The following NTM variants were observed in gnomAD, a reference collection of about 807,000 sequenced individuals.
The protein encoded by NTM is neurotrimin.
A neutral mutation model predicts 42.1 loss-of-function variants in NTM; 13 were observed. The ratio of observed to expected loss-of-function variants is 0.31; its 90% CI spans 0.20 to 0.49. NTM has a LOEUF of 0.49. NTM is among the 20% of genes least tolerant of loss of function. The pLI is 0.99. For synonymous variants in NTM, 187 were observed against 179.2 expected (o/e 1.04, Z -0.35); for missense variants, 373 against 452.8 (o/e 0.82, Z 1.60).
At chr11:131,617,981 C>T (rs1025398656) in intron 1 of NTM, among the ~76,000 whole-genome samples, 1 of 152,170 alleles carries the variant, frequency 6.6e-6, no homozygotes, top group African/African-American at 2.4e-5. Flanking sequence ...CAGCGCCGGG[C>T]TACTCTGATG....
At chr11:131,594,537 A>G (rs1284585233) in intron 1 of NTM, among the ~76,000 whole-genome samples, 1 of 151,032 alleles carries the variant, frequency 6.6e-6, no homozygotes, top group African/African-American at 2.4e-5. Context: ...CTGTGACTAC[A>G]GTGCAGACCA....
At chr11:131,563,666 G>C (rs893021883) in intron 1 of NTM, among the ~76,000 whole-genome samples, 2 of 147,180 alleles carry the variant, frequency 1.4e-5, no homozygotes, top group Non-Finnish European at 3.0e-5. Flanking sequence ...AATACCCTTG[G>C]ATTGATTTCA....
chr11:132,160,072 T>C (rs978285382), intron 3 of NTM, among the ~76,000 whole-genome samples: 1 of 152,182 alleles, frequency 6.6e-6, no homozygotes, highest in African/African-American at 2.4e-5. Flanking sequence ...TTCCACCTTC[T>C]CCCACCTTGT....
chr11:131,517,773 T>C (rs1385439272), intron 1 of NTM, among the ~76,000 whole-genome samples: 1 of 152,158 alleles, frequency 6.6e-6, no homozygotes, highest in East Asian at 1.9e-4. Context: ...ATCTAACTAG[T>C]TCATTTTCCA....
intron 1 of NTM, among the ~76,000 whole-genome samples, chr11:131,742,287 G>T (rs1018073167): frequency 6.6e-6 from 1 of 152,152 alleles, no homozygotes; most frequent in Non-Finnish European, 1.5e-5. Flanking sequence ...GGCAAATTTT[G>T]TCATGGCCTT....
chr11:131,666,679 G>T (rs185121965), intron 1 of NTM, among the ~76,000 whole-genome samples: 1 of 152,104 alleles, frequency 6.6e-6, no homozygotes, highest in Non-Finnish European at 1.5e-5. Flanking sequence ...CAGAGTCCCC[G>T]ACCCACAACA....
intron 1 of NTM, among the ~76,000 whole-genome samples, chr11:131,387,899 C>T (rs1317193790): frequency 2.0e-5 from 3 of 152,174 alleles, no homozygotes; most frequent in Non-Finnish European, 2.9e-5. Context: ...TTCTAATCTG[C>T]CCTGGGAAAA....
rs560478999 is a variant in NTM, at chr11:131,487,373, TG to T, written c.82+116486del. On this transcript the variant is annotated intron_variant, in intron 1 of 8. Coordinates refer to ENST00000683400, the MANE Select transcript of NTM (RefSeq NM_001352005.2). ...ATACTGGATGCCCCAAACATAACCC[TG>T]CAGATTATTATTATTTCCAGTTTCA... is the stretch of plus-strand genomic sequence containing the variant. 4.1e-4 allele frequency among the ~76,000 whole-genome samples: 63 copies of T among 152,312 alleles called. 1 individual carries two copies. Among genetic ancestry groups the T allele is most frequent in the African/African-American group, 1.4e-3 (57 of 41,578 alleles).
At chr11:131,832,189 GA>G (rs11367226) in intron 1 of NTM, among the ~76,000 whole-genome samples, 88,156 of 138,628 alleles carry the variant, frequency 0.64, 27,421 homozygotes, top group Admixed American at 0.7. Context: ...TGTTAGAAGA[GA>G]AAAAAAAAAA....
chr11:131,928,059 A>G (rs369679391), intron 2 of NTM, among the ~76,000 whole-genome samples: 1 of 152,018 alleles, frequency 6.6e-6, no homozygotes, highest in South Asian at 2.1e-4. Context: ...AATCTGTGAA[A>G]TGGGGCTAAA....
chr11:132,061,586 AT>A (rs1322065957), intron 2 of NTM, among the ~76,000 whole-genome samples: 1 of 152,226 alleles, frequency 6.6e-6, no homozygotes, highest in Admixed American at 6.5e-5. Flanking sequence ...GAGAGGGATA[AT>A]GCATGGTGAT....
At chr11:131,480,077 C>T (rs969968336) in intron 1 of NTM, among the ~76,000 whole-genome samples, 7 of 149,558 alleles carry the variant, frequency 4.7e-5, no homozygotes, top group Non-Finnish European at 1.0e-4. Context: ...AGGTTTTTTG[C>T]ATTGATTTCA....
intron 7 of NTM, chr11:132,315,007 C>CATGTTTCATTCTAT: frequency 1.8e-6 from 2 of 1,139,108 alleles, no homozygotes. Flanking sequence ...AAAGAATGTT[C>CATGTTTCATTCTAT]ATGTTTCATT....
chr11:131,515,169 C>T (rs2048738002), intron 1 of NTM, among the ~76,000 whole-genome samples: 1 of 152,182 alleles, frequency 6.6e-6, no homozygotes, highest in Non-Finnish European at 1.5e-5. Flanking sequence ...CCCACCTTGG[C>T]TTCCCAAAGT....
chr11:131,635,959 C>T (rs539283893), intron 1 of NTM, among the ~76,000 whole-genome samples: 8 of 152,338 alleles, frequency 5.3e-5, no homozygotes, highest in African/African-American at 1.7e-4. Flanking sequence ...CCGTCACATG[C>T]TGCACAGGTC....
At position 132,146,505 on chromosome 11, in the gene NTM, A is replaced by C; in HGVS notation, c.391A>C (p.Ile131Leu). 1 of 1,614,002 alleles carries C rather than the reference A, an allele frequency of 6.2e-7. No individual in the cohort carries two copies. The highest frequency in any genetic ancestry group is 1.1e-5 in the South Asian group (1 of 91,064). Residue 131 changes from isoleucine to leucine, a missense_variant, in exon 3 of 9, where the codon ATT becomes CTT. Ile to Leu is a conservative substitution (Grantham distance 5, BLOSUM62 2). Around this residue, in one of 3 missense-constraint regions of NTM, gnomAD observed 312 missense variants for 353.5 expected, o/e 0.88. Coordinates refer to ENST00000683400, the MANE Select transcript of NTM (RefSeq NM_001352005.2). The surrounding 1 kb of genome is among the most constrained non-coding windows in gnomAD (Gnocchi z 4.5). Reference sequence around the variant, plus strand: ...CCCAAAGACCTCTAGGGTCCACCTCATTGTGCAAGGTAGGTGGGCGGGGCT... The same window carrying C: ...CCCAAAGACCTCTAGGGTCCACCTCCTTGTGCAAGGTAGGTGGGCGGGGCT... ...NHPKTSRVHL[I>L]VQVSPKIVEI...
At chr11:131,948,701 A>G (rs2060646323) in intron 2 of NTM, among the ~76,000 whole-genome samples, 1 of 152,220 alleles carries the variant, frequency 6.6e-6, no homozygotes, top group African/African-American at 2.4e-5. Flanking sequence ...CAAGATGGCA[A>G]CATAGCAGAG....
intron 1 of NTM, among the ~76,000 whole-genome samples, chr11:131,776,806 C>G (rs1448732908): frequency 1.3e-5 from 2 of 152,086 alleles, no homozygotes; most frequent in Non-Finnish European, 2.9e-5. Flanking sequence ...TCCTGTGACT[C>G]CACTATGCAC....
intron 1 of NTM, among the ~76,000 whole-genome samples, chr11:131,518,891 A>G (rs760434230): frequency 7.4e-4 from 113 of 152,248 alleles, no homozygotes; most frequent in Admixed American, 3.9e-4. Flanking sequence ...AATTAGGACA[A>G]CAACACATTT....
Sources: gnomAD v4.1 joint callset for allele counts (sites outside exome capture counted in the v4.1 genomes callset) on GRCh38, gnomAD v4.1.1 for gene constraint, gnomAD v4.1.1 regional missense constraint, Gnocchi (gnomAD v3.1) non-coding constraint, MANE v1.5 for transcripts, NCBI Gene and HGNC (gene_info 2026-07-23, HGNC 2026-07-21) for gene names.